MALRD1: variants seen among roughly 807,000 people sequenced by gnomAD.
MALRD1 encodes the protein MAM and LDL receptor class A domain containing 1, also known as MAM and LDL-receptor class A domain-containing protein 1.
Under a neutral mutation model 242.1 loss-of-function variants are expected in MALRD1, and 247 were observed. The ratio of observed to expected loss-of-function variants is 1.02; its 90% CI spans 0.92 to 1.13. MALRD1 has a LOEUF of 1.13. MALRD1 is among the 50% of genes most tolerant of loss of function. MALRD1 has a pLI of 0.00. For synonymous variants in MALRD1, 995 were observed against 866.6 expected (o/e 1.15, Z -2.60); for missense variants, 2,989 against 2,533.1 (o/e 1.18, Z -3.86).
chr10:19,156,264 C>A (rs925803396), intron 12 of MALRD1, among the ~76,000 whole-genome samples: 1 of 151,290 alleles, frequency 6.6e-6, no homozygotes, highest in African/African-American at 2.4e-5. Flanking sequence ...TAGATACTTT[C>A]TTTTAAAGTC....
chr10:19,692,594 G>A, intron 38 of MALRD1, 40 bp downstream of exon 38: 2 of 1,461,544 alleles, frequency 1.4e-6, no homozygotes, highest in Non-Finnish European at 1.8e-6. Context: ...ATATACCGTA[G>A]CAGAAAAATT....
intron 18 of MALRD1, among the ~76,000 whole-genome samples, chr10:19,248,732 T>C (rs923610682): frequency 3.3e-5 from 5 of 151,510 alleles, no homozygotes; most frequent in Non-Finnish European, 7.4e-5. Flanking sequence ...GGATGAGTTA[T>C]TTAAATTGTG....
In MALRD1 at chr10:19,280,184, A is replaced by C; in HGVS notation, c.3217A>C (p.Lys1073Gln). 1 of 1,536,476 alleles carries C rather than the reference A, an allele frequency of 6.5e-7. No homozygotes were observed. The highest frequency in any genetic ancestry group is 8.8e-7 in the Non-Finnish European group (1 of 1,142,388). Residue 1073 changes from lysine (K) to glutamine (Q), a missense_variant, in exon 20 of 40, where the codon AAA (lysine) becomes CAA (glutamine). Coordinates refer to ENST00000454679, the MANE Select transcript of MALRD1 (RefSeq NM_001142308.3). ...TGAAAAAATGCAGAAATGTGATTTT[A>C]AATATGACTGCCCTGACAAATCAGA... ...CIEKMQKCDF[K>Q]YDCPDKSDEA...
At chr10:19,124,216 T>C (rs1837171857) in intron 6 of MALRD1, among the ~76,000 whole-genome samples, 2 of 152,026 alleles carry the variant, frequency 1.3e-5, no homozygotes, top group Non-Finnish European at 2.9e-5. Context: ...ACCCTGTCTC[T>C]TAAAAAAATT....
intron 33 of MALRD1, among the ~76,000 whole-genome samples, chr10:19,587,571 T>C (rs1380495276): frequency 1.3e-5 from 2 of 152,260 alleles, no homozygotes; most frequent in African/African-American, 4.8e-5. Flanking sequence ...TTGAATTTCA[T>C]TGCAAATTAT....
chr10:19,292,433 A>G, intron 21 of MALRD1, among the ~76,000 whole-genome samples: 1 of 152,194 alleles, frequency 6.6e-6, no homozygotes, highest in South Asian at 2.1e-4. Context: ...ATTTGTTTGA[A>G]TATACACTAT....
At chr10:19,103,786 G>T (rs1836366371) in intron 4 of MALRD1, among the ~76,000 whole-genome samples, 193 bp from the exon 5 acceptor site, 1 of 152,154 alleles carries the variant, frequency 6.6e-6, no homozygotes, top group Non-Finnish European at 1.5e-5. Flanking sequence ...TTGAGATACA[G>T]TGATGACCCT....
intron 10 of MALRD1, among the ~76,000 whole-genome samples, chr10:19,137,647 A>G (rs963492919): frequency 2.0e-5 from 3 of 150,534 alleles, no homozygotes; most frequent in African/African-American, 4.9e-5. Context: ...CACTTCAGCC[A>G]TGACTGGCGT....
chr10:19,211,284 T>C (rs1263526941), intron 18 of MALRD1, among the ~76,000 whole-genome samples: 1 of 152,056 alleles, frequency 6.6e-6, no homozygotes, highest in Non-Finnish European at 1.5e-5. Context: ...AAATGCAGTG[T>C]TCTGATTGAT....
chr10:19,274,059 G>A (rs1179486147), intron 19 of MALRD1, among the ~76,000 whole-genome samples: 3 of 152,112 alleles, frequency 2.0e-5, no homozygotes, highest in East Asian at 3.9e-4. Flanking sequence ...ATTATGGAAA[G>A]CAGTATGACC....
At position 19,331,356 on chromosome 10, in the gene MALRD1, C is replaced by CT. The variant is rs544675760; in HGVS notation, c.3688-3dup. ...TGATTGACAGTTTAACTGTAACTGG[C>CT]TTTTTTTTTTAGATTGTCTTCAGAG... On this transcript the variant is annotated splice_polypyrimidine_tract_variant and intron_variant, in intron 23 of 39. Coordinates refer to ENST00000454679, the MANE Select transcript of MALRD1 (RefSeq NM_001142308.3). 1,280 of 1,318,486 alleles carry CT rather than the reference C, an allele frequency of 9.7e-4. No homozygotes were observed. The highest frequency in any genetic ancestry group is 1.1e-3 in the Non-Finnish European group (1,059 of 968,528). The allele number at this position is 1,318,486 out of a possible 1,614,324, so 81.7% of individuals were successfully genotyped here.
chr10:19,061,072 A>C (rs551816878), intron 1 of MALRD1, among the ~76,000 whole-genome samples: 1 of 152,292 alleles, frequency 6.6e-6, no homozygotes, highest in South Asian at 2.1e-4. Flanking sequence ...GAGCAATGAG[A>C]TCACATGGAT....
Position 19,387,693 on chromosome 10 carries a change from A to C in MALRD1, c.4607A>C (p.Asp1536Ala), listed in dbSNP as rs1380048320. 6.4e-7 allele frequency: 1 copy of C among 1,550,426 alleles called. No individual in the cohort carries two copies. The highest frequency in any genetic ancestry group is 2.4e-5 in the East Asian group (1 of 40,902). Residue 1536 changes from aspartate to alanine, a missense_variant, in exon 27 of 40, where the codon GAC (aspartate) becomes GCC (alanine). Physicochemically the swap from Asp to Ala is moderately radical, Grantham distance 126. Transcript: ENST00000454679. ...GWCGWQNSQA[D>A]NFDWVLGVGS... ...TGTGGCTGGCAAAACTCCCAGGCTG[A>C]CAACTTTGATTGGGTTTTAGGGGTT...
At position 19,312,506 on chromosome 10, in the gene MALRD1, A is replaced by G. The variant is rs375206945; in HGVS notation, c.3420-11443A>G. Among the ~76,000 whole-genome samples, 9 of 150,966 alleles carry G rather than the reference A, an allele frequency of 6.0e-5. No individual in the cohort carries two copies. In the South Asian group the frequency reaches 1.0e-3, roughly 17 times the overall value. ...AGGGATTAAAATTTGAAAGCATCGT[A>G]GTCTTTAACATCTAGAAAAGTGTTT... On this transcript the variant is annotated intron_variant, in intron 21 of 39. Coordinates refer to ENST00000454679, the MANE Select transcript of MALRD1 (RefSeq NM_001142308.3).
intron 33 of MALRD1, among the ~76,000 whole-genome samples, chr10:19,590,537 G>C (rs1837719679): frequency 6.6e-6 from 1 of 151,658 alleles, no homozygotes; most frequent in Non-Finnish European, 1.5e-5. Context: ...GCTTCCCAGG[G>C]AACCTGGCTT....
chr10:19,254,552 G>A (rs116244760), intron 18 of MALRD1, among the ~76,000 whole-genome samples: 95 of 152,092 alleles, frequency 6.2e-4, no homozygotes, highest in African/African-American at 2.2e-3. Context: ...TAATATGGCT[G>A]TGCCATTTAG....
Position 19,242,088 on chromosome 10 carries a change from C to T in MALRD1, c.2992-15596C>T, listed in dbSNP as rs116889388. Among the ~76,000 whole-genome samples the T allele has an allele frequency of 6.4e-4, 97 of 152,208 alleles. No individual in the cohort carries two copies. The East Asian group carries it at 0.013, about 20-fold the overall frequency. ...ACTGCTGATAAAGACATACCTGAGACTGGGTAATTTACAGAGAAAAAGAGG... is the reference window on the plus strand; with the variant it reads ...ACTGCTGATAAAGACATACCTGAGATTGGGTAATTTACAGAGAAAAAGAGG... On this transcript the variant is annotated intron_variant, in intron 18 of 39. Coordinates refer to ENST00000454679, the MANE Select transcript of MALRD1 (RefSeq NM_001142308.3).
intron 36 of MALRD1, among the ~76,000 whole-genome samples, chr10:19,686,477 T>C (rs1480644016): frequency 6.6e-6 from 1 of 152,172 alleles, no homozygotes; most frequent in African/African-American, 2.4e-5. Context: ...CCGTTTTGCT[T>C]CTTAGTGTGC....
At chr10:19,709,812 A>G (rs957422327) in intron 38 of MALRD1, among the ~76,000 whole-genome samples, 5 of 152,210 alleles carry the variant, frequency 3.3e-5, no homozygotes, top group Admixed American at 2.6e-4. Context: ...CGGCAACTTT[A>G]TCTGTGTGCT....
Sources: gnomAD v4.1 joint callset for allele counts (sites outside exome capture counted in the v4.1 genomes callset) on GRCh38, gnomAD v4.1.1 for gene constraint, MANE v1.5 for transcripts, NCBI Gene and HGNC (gene_info 2026-07-23, HGNC 2026-07-21) for gene names.